The following GNA14 variants were observed in gnomAD, a reference collection of about 807,000 sequenced individuals.
The protein encoded by GNA14 is guanine nucleotide-binding protein subunit alpha-14.
A neutral mutation model predicts 42.0 loss-of-function variants in GNA14; 50 were observed. The observed-to-expected ratio is 1.19, with a 90% CI of 0.95 to 1.51. The LOEUF (loss-of-function observed/expected upper bound fraction) is 1.51, where lower values mean the gene tolerates loss of function less well. Ranked by LOEUF, GNA14 falls within the 40% of genes most tolerant of loss-of-function variation. GNA14 has a pLI of 0.00. For synonymous variants in GNA14, 173 were observed against 163.1 expected (o/e 1.06, Z -0.46); for missense variants, 473 against 446.2 (o/e 1.06, Z -0.54).
intron 1 of GNA14, among the ~76,000 whole-genome samples, chr9:77,588,589 T>A (rs1031792362): frequency 6.6e-6 from 1 of 152,110 alleles, no homozygotes; most frequent in Non-Finnish European, 1.5e-5. Flanking sequence ...TCAGAGGATA[T>A]AGAAGCAGGG....
chr9:77,449,250 A>G (rs775652561), intron 2 of GNA14, among the ~76,000 whole-genome samples: 83 of 152,336 alleles, frequency 5.4e-4, no homozygotes, highest in South Asian at 1.0e-3. Context: ...GGTTTGTGTA[A>G]GTGCACTCCA....
intron 2 of GNA14, among the ~76,000 whole-genome samples, chr9:77,503,973 G>A (rs2131745057): frequency 6.6e-6 from 1 of 152,202 alleles, no homozygotes; most frequent in South Asian, 2.1e-4. Flanking sequence ...GAGCCACGGT[G>A]CCTGACCCCA....
intron 1 of GNA14, among the ~76,000 whole-genome samples, chr9:77,602,534 T>TA (rs1587844461): frequency 1.4e-5 from 2 of 144,784 alleles, no homozygotes; most frequent in East Asian, 4.6e-4. Flanking sequence ...GGGAGAGACC[T>TA]GGTTTGTAAC....
intron 2 of GNA14, among the ~76,000 whole-genome samples, chr9:77,482,092 A>G (rs1372134592): frequency 1.3e-5 from 2 of 152,156 alleles, no homozygotes; most frequent in African/African-American, 4.8e-5. Flanking sequence ...TCCTGTCATT[A>G]TGATGTTAGT....
intron 2 of GNA14, among the ~76,000 whole-genome samples, chr9:77,488,434 A>G (rs1388254032): frequency 6.6e-6 from 1 of 152,182 alleles, no homozygotes; most frequent in Non-Finnish European, 1.5e-5. Flanking sequence ...ATCACTGAGG[A>G]CAGCCAGAAA....
At chr9:77,466,667 G>A (rs545723507) in intron 2 of GNA14, among the ~76,000 whole-genome samples, 131 of 152,190 alleles carry the variant, frequency 8.6e-4, no homozygotes, top group Non-Finnish European at 1.6e-3. Flanking sequence ...GTCACACTTT[G>A]TTATTTGTTT....
At chr9:77,511,643 C>T (rs1837172418) in intron 2 of GNA14, among the ~76,000 whole-genome samples, 1 of 152,140 alleles carries the variant, frequency 6.6e-6, no homozygotes, top group African/African-American at 2.4e-5. Flanking sequence ...CCCAAGTGGG[C>T]ACAGACCACA....
Position 77,529,149 on chromosome 9 carries a change from G to A in GNA14, c.229C>T (p.Gln77Ter), listed in dbSNP as rs766062988. The A allele has an allele frequency of 1.2e-6, 2 of 1,614,048 alleles. No individual in the cohort carries two copies. The highest frequency in any genetic ancestry group is 4.5e-5 in the East Asian group (2 of 44,888). ...DRKGFTKLVY[Q>*]NIFTAMQAMI... ...GCTTGCATGGCGGTGAATATGTTTT[G>A]GTAAACCAGCTTCGTGAACCCCTTT... The change falls in exon 2 of 7, where the codon CAA becomes TAA. Residue 77 changes from glutamine to a stop codon, truncating the protein, a stop_gained. Coordinates refer to ENST00000341700, the MANE Select transcript of GNA14 (RefSeq NM_004297.4). LOFTEE classifies it high-confidence loss of function.
At chr9:77,569,162 T>C (rs1042274899) in intron 1 of GNA14, among the ~76,000 whole-genome samples, 9 of 152,212 alleles carry the variant, frequency 5.9e-5, no homozygotes, top group African/African-American at 2.2e-4. Flanking sequence ...CCTTTTTTTT[T>C]TTTAAATGGG....
At chr9:77,461,453 C>T (rs1020316690) in intron 2 of GNA14, among the ~76,000 whole-genome samples, 4 of 152,130 alleles carry the variant, frequency 2.6e-5, no homozygotes, top group Admixed American at 6.6e-5. Flanking sequence ...AAGTAAAAAA[C>T]GGGGCTCAGA....
chr9:77,485,773 A>G (rs1836649584), intron 2 of GNA14, among the ~76,000 whole-genome samples: 1 of 152,186 alleles, frequency 6.6e-6, no homozygotes, highest in Non-Finnish European at 1.5e-5. Context: ...ATTGTCAATG[A>G]GTAGTAATAT....
Position 77,431,374 on chromosome 9 carries a change from C to A in GNA14, c.540G>T (p.Val180=). The A allele has an allele frequency of 6.2e-7, 1 of 1,613,504 alleles. No homozygotes were observed. The highest frequency in any genetic ancestry group is 8.5e-7 in the Non-Finnish European group (1 of 1,179,598). The change falls in exon 4 of 7, where the codon GTG becomes GTT. Residue 180 remains valine (V), a synonymous_variant. Coordinates refer to ENST00000341700, the MANE Select transcript of GNA14 (RefSeq NM_004297.4). Reference sequence around the variant, plus strand: ...GATACTCAATGATGCCGGTGGTGGGCACTCGGACGCGAAGCACATCTTGTT... The same window carrying A: ...GATACTCAATGATGCCGGTGGTGGGAACTCGGACGCGAAGCACATCTTGTT... The part of the protein sequence containing the change: ...PTQQDVLRVR[V]PTTGIIEYPF...
At chr9:77,566,034 A>T (rs1216008242) in intron 1 of GNA14, among the ~76,000 whole-genome samples, 2 of 152,146 alleles carry the variant, frequency 1.3e-5, no homozygotes, top group Non-Finnish European at 1.5e-5. Context: ...GGCAATGCAC[A>T]GGACAGTCTC....
At chr9:77,556,183 G>A (rs1430764977) in intron 1 of GNA14, among the ~76,000 whole-genome samples, 3 of 152,198 alleles carry the variant, frequency 2.0e-5, no homozygotes, top group African/African-American at 7.2e-5. Flanking sequence ...GGCGGAGGTT[G>A]CAGTGAGCCA....
intron 1 of GNA14, among the ~76,000 whole-genome samples, chr9:77,533,189 A>T (rs980623877): frequency 5.9e-5 from 9 of 152,120 alleles, no homozygotes; most frequent in African/African-American, 2.2e-4. Context: ...ATATATATAT[A>T]TTTTGGAGAC....
At chr9:77,428,872 C>T in intron 5 of GNA14, 35 bp downstream of exon 5, 2 of 1,606,848 alleles carry the variant, frequency 1.2e-6, no homozygotes, top group Non-Finnish European at 1.7e-6. Flanking sequence ...TAGGCTCTGG[C>T]TTCCACAGCT....
chr9:77,435,556 A>G (rs1410459877), intron 2 of GNA14, among the ~76,000 whole-genome samples: 1 of 152,034 alleles, frequency 6.6e-6, no homozygotes, highest in African/African-American at 2.4e-5. Context: ...TTATATTACC[A>G]TATTTATTAT....
chr9:77,599,239 A>G (rs1329542821), intron 1 of GNA14, among the ~76,000 whole-genome samples: 1 of 152,216 alleles, frequency 6.6e-6, no homozygotes, highest in Non-Finnish European at 1.5e-5. Flanking sequence ...TGGCAATATA[A>G]TAGCATAGCT....
chr9:77,498,096 G>A (rs771704560), intron 2 of GNA14, among the ~76,000 whole-genome samples: 5 of 152,018 alleles, frequency 3.3e-5, no homozygotes, highest in Non-Finnish European at 5.9e-5. Context: ...AAGCTGTGTC[G>A]GGCTCAGTGG....
Sources: gnomAD v4.1 joint callset for allele counts (sites outside exome capture counted in the v4.1 genomes callset) on GRCh38, gnomAD v4.1.1 for gene constraint, MANE v1.5 for transcripts, NCBI Gene and HGNC (gene_info 2026-07-23, HGNC 2026-07-21) for gene names.